The following ST7 variants were observed in gnomAD, a reference collection of about 807,000 sequenced individuals.
ST7 encodes the protein suppressor of tumorigenicity 7 protein.
Under a neutral mutation model 78.7 loss-of-function variants are expected in ST7, and 28 were observed. That is an observed-to-expected ratio of 0.36 (90% CI 0.26 to 0.49). The LOEUF (loss-of-function observed/expected upper bound fraction) is 0.49, where lower values mean the gene tolerates loss of function less well. Ranked by LOEUF, ST7 falls within the 20% of genes least tolerant of loss-of-function variation. The pLI is 0.99. For synonymous variants in ST7, 247 were observed against 249.6 expected, an observed-to-expected ratio of 0.99 and a Z score of 0.10; for missense variants, 418 against 696.0, an observed-to-expected ratio of 0.60 and a Z score of 4.49.
intron 1 of ST7, among the ~76,000 whole-genome samples, chr7:116,984,829 A>G (rs1168251793): frequency 1.3e-5 from 2 of 152,204 alleles, no homozygotes; most frequent in African/African-American, 2.4e-5. Context: ...GACTGTTCTC[A>G]TGACCATTCA....
intron 1 of ST7, among the ~76,000 whole-genome samples, chr7:117,002,575 A>G (rs1213235050): frequency 1.3e-5 from 2 of 151,782 alleles, no homozygotes; most frequent in African/African-American, 4.8e-5. Context: ...TTTTCAATGC[A>G]ATCTGTTTCA....
intron 1 of ST7, among the ~76,000 whole-genome samples, chr7:117,098,064 CTG>C (rs1801257463): frequency 6.6e-6 from 1 of 150,760 alleles, no homozygotes; most frequent in South Asian, 2.1e-4. Flanking sequence ...TAAATATTGA[CTG>C]AACACATTGT....
In ST7 at chr7:117,213,585, C is replaced by T. The variant is rs544789185; in HGVS notation, c.1405+3648C>T. Among the ~76,000 whole-genome samples the T allele has an allele frequency of 3.3e-5, 5 of 151,888 alleles. No homozygotes were observed. The East Asian group carries it at 5.8e-4, about 18-fold the overall frequency. On this transcript the variant is annotated intron_variant, in intron 13 of 15. Coordinates refer to ENST00000323984, the MANE Select transcript of ST7 (RefSeq NM_001369598.1). ...AACCTCCCATTTTTGATAAAACCCC[C>T]GAAGTCCAGCTGATGCATGGCAGAG...
chr7:117,220,684 TG>T (rs1311622228), intron 14 of ST7, among the ~76,000 whole-genome samples: 8 of 152,152 alleles, frequency 5.3e-5, no homozygotes, highest in African/African-American at 1.9e-4. Context: ...CTTTTTTGGT[TG>T]GATGTTAAGG....
chr7:117,126,000 G>A (rs1803805845), intron 3 of ST7, among the ~76,000 whole-genome samples: 1 of 151,944 alleles, frequency 6.6e-6, no homozygotes. Flanking sequence ...TGTAAAAAGG[G>A]TGTAATATAT....
intron 9 of ST7, among the ~76,000 whole-genome samples, chr7:117,148,945 A>G (rs1319667631): frequency 6.6e-6 from 1 of 152,188 alleles, no homozygotes; most frequent in Admixed American, 6.5e-5. Flanking sequence ...GACTTATTTC[A>G]GACCTGGGCC....
At chr7:117,091,668 T>A (rs1415528977) in intron 1 of ST7, among the ~76,000 whole-genome samples, 2 of 152,186 alleles carry the variant, frequency 1.3e-5, no homozygotes, top group Non-Finnish European at 2.9e-5. Context: ...TTATCAGATG[T>A]CAATGTTGAT....
intron 1 of ST7, among the ~76,000 whole-genome samples, chr7:117,006,685 A>G (rs947957244): frequency 3.3e-5 from 5 of 152,224 alleles, no homozygotes; most frequent in Non-Finnish European, 5.9e-5. Context: ...TCTGCCTTGC[A>G]GATACTGCAC....
chr7:117,153,853 G>T (rs2117172619), intron 9 of ST7, among the ~76,000 whole-genome samples: 1 of 152,268 alleles, frequency 6.6e-6, no homozygotes, highest in South Asian at 2.1e-4. Context: ...AGCTTAGATG[G>T]AAAAGGAAAA....
At chr7:117,090,220 G>C (rs1800497252) in intron 1 of ST7, among the ~76,000 whole-genome samples, 1 of 149,800 alleles carries the variant, frequency 6.7e-6, no homozygotes, top group Admixed American at 6.7e-5. Context: ...GACTGTACAG[G>C]TAGTCTAAGG....
chr7:117,211,291 G>C (rs1792268272), intron 13 of ST7, among the ~76,000 whole-genome samples: 1 of 152,226 alleles, frequency 6.6e-6, no homozygotes, highest in Non-Finnish European at 1.5e-5. Flanking sequence ...CCAGGTGCCT[G>C]CGTGGCACCA....
intron 2 of ST7, among the ~76,000 whole-genome samples, chr7:117,114,953 C>T (rs1317781319): frequency 6.6e-6 from 1 of 152,140 alleles, no homozygotes; most frequent in Non-Finnish European, 1.5e-5. Flanking sequence ...AGCTCCCAGC[C>T]CCAGTGCTCC....
intron 1 of ST7, among the ~76,000 whole-genome samples, chr7:117,020,832 A>C (rs553523222): frequency 6.6e-6 from 1 of 152,324 alleles, no homozygotes; most frequent in African/African-American, 2.4e-5. Context: ...AATGTGTCAA[A>C]ACCAGGCCTG....
At chr7:117,176,194 G>A (rs538397703) in intron 10 of ST7, among the ~76,000 whole-genome samples, 3 of 152,236 alleles carry the variant, frequency 2.0e-5, no homozygotes, top group Non-Finnish European at 2.9e-5. Flanking sequence ...TAAATTTGGG[G>A]CAGAATCTTC....
chr7:117,105,172 C>T (rs1244528548), intron 2 of ST7, among the ~76,000 whole-genome samples: 1 of 152,148 alleles, frequency 6.6e-6, no homozygotes, highest in Non-Finnish European at 1.5e-5. Context: ...TTTGCAGCAA[C>T]ATGGATGGAA....
intron 1 of ST7, chr7:117,080,932 A>C (rs1230474161): frequency 2.0e-5 from 3 of 152,182 alleles, no homozygotes; most frequent in Non-Finnish European, 1.5e-5. Flanking sequence ...CCAAAATCCA[A>C]ATCCAAAGTG....
At chr7:117,019,624 A>T (rs1795780477) in intron 1 of ST7, among the ~76,000 whole-genome samples, 1 of 152,254 alleles carries the variant, frequency 6.6e-6, no homozygotes, top group African/African-American at 2.4e-5. Flanking sequence ...CATTTGAACA[A>T]TAGTTGCAAA....
chr7:117,191,008 T>A, intron 12 of ST7, 72 bp downstream of exon 12: 1 of 1,204,392 alleles, frequency 8.3e-7, no homozygotes, highest in Middle Eastern at 1.9e-4. Context: ...CAGTGTTGTA[T>A]CTCAAGTACA....
In ST7 at chr7:116,980,200, A is replaced by G. The variant is rs558682317; in HGVS notation, c.151+26509A>G. On this transcript the variant is annotated intron_variant, in intron 1 of 15. Transcript: ENST00000323984. ...TCTCCAATTCCTGGCCTCAAATGAT[A>G]TGCCCGCCTCGCCTCCCAAAGTGCT... 2.0e-5 allele frequency among the ~76,000 whole-genome samples: 3 copies of G among 151,852 alleles called. No individual in the cohort carries two copies. The East Asian group carries it at 5.8e-4, about 29-fold the overall frequency.
Sources: gnomAD v4.1 joint callset for allele counts (sites outside exome capture counted in the v4.1 genomes callset) on GRCh38, gnomAD v4.1.1 for gene constraint, MANE v1.5 for transcripts, NCBI Gene and HGNC (gene_info 2026-07-23, HGNC 2026-07-21) for gene names.